SUGCT: variants seen among roughly 807,000 people sequenced by gnomAD.
The protein encoded by SUGCT is succinyl-CoA:glutarate CoA-transferase.
A neutral mutation model predicts 55.0 loss-of-function variants in SUGCT; 41 were observed. The ratio of observed to expected loss-of-function variants is 0.74; its 90% CI spans 0.58 to 0.97. The LOEUF (loss-of-function observed/expected upper bound fraction) is 0.97. Ranked by LOEUF, SUGCT falls within the 50% of genes least tolerant of loss-of-function variation. SUGCT has a pLI of 0.00. For synonymous variants in SUGCT, 187 were observed against 200.4 expected (o/e 0.93, Z 0.56); for missense variants, 568 against 547.8 (o/e 1.04, Z -0.37).
intron 1 of SUGCT, among the ~76,000 whole-genome samples, chr7:40,148,502 G>T (rs1011666423): frequency 2.0e-5 from 3 of 152,024 alleles, no homozygotes; most frequent in African/African-American, 7.3e-5. Context: ...AAAATAGCCG[G>T]GTTTGCTGGC....
chr7:40,406,695 C>T (rs576957724), intron 9 of SUGCT, among the ~76,000 whole-genome samples: 1 of 152,284 alleles, frequency 6.6e-6, no homozygotes, highest in South Asian at 2.1e-4. Context: ...GTACACTATT[C>T]TCTTTATTCA....
intron 6 of SUGCT, among the ~76,000 whole-genome samples, chr7:40,236,783 T>G (rs957821596): frequency 6.6e-6 from 1 of 152,084 alleles, no homozygotes; most frequent in Non-Finnish European, 1.5e-5. Context: ...GAGGCAATAC[T>G]CGACTCTAAT....
intron 10 of SUGCT, among the ~76,000 whole-genome samples, chr7:40,457,064 CT>C (rs377652459): frequency 0.029 from 4,319 of 147,966 alleles, 150 homozygotes; most frequent in African/African-American, 0.076. Context: ...TTGTTATTTT[CT>C]TTTTTTTTTG....
chr7:40,905,705 ATTTTTTTTTTCT>A, the SUGCT span, among the ~76,000 whole-genome samples: 15 of 149,230 alleles, frequency 1.0e-4, no homozygotes, highest in African/African-American at 3.7e-4. Flanking sequence ...ACCATTTTAA[ATTTTTTTTTTCT>A]TTTTTTTTTT....
At chr7:40,440,145 GTTTTTTTTT>G (rs138984553) in intron 9 of SUGCT, among the ~76,000 whole-genome samples, 10 of 68,438 alleles carry the variant, frequency 1.5e-4, no homozygotes, top group African/African-American at 5.4e-4. Flanking sequence ...GTGTGTGTGT[GTTTTTTTTT>G]TTTTTTTTTT....
intron 12 of SUGCT, among the ~76,000 whole-genome samples, chr7:40,657,875 C>T (rs1311292394): frequency 1.3e-5 from 2 of 152,146 alleles, no homozygotes; most frequent in Non-Finnish European, 2.9e-5. Context: ...GATGAAGGAC[C>T]TAACGTGAAA....
intron 1 of SUGCT, among the ~76,000 whole-genome samples, chr7:40,157,426 G>A (rs1783951875): frequency 6.6e-6 from 1 of 152,030 alleles, no homozygotes. Flanking sequence ...TTGTCTATGG[G>A]GTATTAGGTA....
At chr7:40,463,826 C>T (rs1789949334) in intron 11 of SUGCT, among the ~76,000 whole-genome samples, 1 of 152,064 alleles carries the variant, frequency 6.6e-6, no homozygotes, top group African/African-American at 2.4e-5. Context: ...GTATGTTTAC[C>T]CAGCTGCTAA....
rs573570700 is a variant in SUGCT, at chr7:40,660,904, A to G, written c.1090-88530A>G. Among the ~76,000 whole-genome samples the G allele has an allele frequency of 2.3e-4, 35 of 152,182 alleles. No homozygotes were observed. In the South Asian group the frequency reaches 3.1e-3, roughly 14 times the overall value. On this transcript the variant is annotated intron_variant, in intron 12 of 13. Transcript: ENST00000335693. ...TACTGGCCTGGATTCCCGTCCCAGCATTATAACCTTCTTGCCACCCCTGTC... is the reference window on the plus strand; with the variant it reads ...TACTGGCCTGGATTCCCGTCCCAGCGTTATAACCTTCTTGCCACCCCTGTC...
intron 12 of SUGCT, among the ~76,000 whole-genome samples, chr7:40,681,574 C>A (rs917165779): frequency 2.6e-5 from 4 of 152,154 alleles, no homozygotes; most frequent in Non-Finnish European, 4.4e-5. Flanking sequence ...GCAGCTGATG[C>A]TTCTTTCTCT....
chr7:40,135,042 G>A lies in SUGCT; in HGVS notation c.22G>A (p.Val8Met). ...CGCGATGCTGGCGACGCTGGCGAGG[G>A]TGGCAGCTCTGCGCAGAACCTGCCT... MLATLAR[V>M]AALRRTCLFS... The change falls in exon 1 of 14, where the codon GTG (valine) becomes ATG (methionine). Residue 8 changes from valine to methionine, a missense_variant. Coordinates refer to ENST00000335693, the MANE Select transcript of SUGCT (RefSeq NM_001193313.2). 24 of 1,562,710 alleles carry A rather than the reference G, an allele frequency of 1.5e-5. No individual in the cohort carries two copies. The highest frequency in any genetic ancestry group is 2.1e-5 in the Non-Finnish European group (24 of 1,155,014).
At chr7:40,138,253 T>C (rs1787798446) in intron 1 of SUGCT, among the ~76,000 whole-genome samples, 2 of 152,208 alleles carry the variant, frequency 1.3e-5, no homozygotes, top group African/African-American at 4.8e-5. Flanking sequence ...AATATTTGTT[T>C]TTCTGTGCCT....
intron 5 of SUGCT, among the ~76,000 whole-genome samples, chr7:40,193,129 G>A (rs767056113): frequency 6.6e-6 from 1 of 151,436 alleles, no homozygotes; most frequent in Non-Finnish European, 1.5e-5. Context: ...ACCATGCCTG[G>A]CTAATTTTTA....
chr7:40,887,696 G>A, the SUGCT span, among the ~76,000 whole-genome samples: 1 of 152,264 alleles, frequency 6.6e-6, no homozygotes, highest in Admixed American at 6.5e-5. Flanking sequence ...CAATGCCCTG[G>A]GAGTTGTCTG....
intron 12 of SUGCT, among the ~76,000 whole-genome samples, chr7:40,524,158 T>C (rs532072524): frequency 6.6e-6 from 1 of 152,282 alleles, no homozygotes; most frequent in Non-Finnish European, 1.5e-5. Context: ...TTATTTGTTT[T>C]CCGAATGAGA....
At chr7:40,356,058 T>G (rs1186123125) in intron 9 of SUGCT, among the ~76,000 whole-genome samples, 1 of 152,246 alleles carries the variant, frequency 6.6e-6, no homozygotes, top group Non-Finnish European at 1.5e-5. Context: ...TATGGAAATT[T>G]CCTTTGCACT....
intron 9 of SUGCT, among the ~76,000 whole-genome samples, chr7:40,426,244 A>G (rs1787580218): frequency 6.6e-6 from 1 of 152,168 alleles, no homozygotes; most frequent in South Asian, 2.1e-4. Flanking sequence ...AAACTGAGGC[A>G]GAAACCTCTC....
At chr7:40,834,276 A>AGAAT (rs926259899) in intron 13 of SUGCT, among the ~76,000 whole-genome samples, 3 of 152,214 alleles carry the variant, frequency 2.0e-5, no homozygotes, top group Middle Eastern at 6.8e-3. Flanking sequence ...GGTGGGGAGT[A>AGAAT]GAGTTTCCCA....
chr7:40,976,870 A>G, the SUGCT span, among the ~76,000 whole-genome samples: 1 of 152,184 alleles, frequency 6.6e-6, no homozygotes, highest in Non-Finnish European at 1.5e-5. Flanking sequence ...TAGTTACTTG[A>G]CCACACTACT....
Sources: gnomAD v4.1 joint callset for allele counts (sites outside exome capture counted in the v4.1 genomes callset) on GRCh38, gnomAD v4.1.1 for gene constraint, MANE v1.5 for transcripts, NCBI Gene and HGNC (gene_info 2026-07-23, HGNC 2026-07-21) for gene names.